SUCLA2: variants seen among roughly 807,000 people sequenced by gnomAD.
The protein encoded by SUCLA2 is succinate-CoA ligase ADP-forming subunit beta.
A neutral mutation model predicts 54.8 loss-of-function variants in SUCLA2; 30 were observed. That is an observed-to-expected ratio of 0.55 (90% CI 0.41 to 0.74). The LOEUF is 0.74. Ranked by LOEUF, SUCLA2 falls within the 30% of genes least tolerant of loss-of-function variation. The pLI, the probability that SUCLA2 is intolerant of heterozygous loss-of-function variation, is 0.00. For synonymous variants in SUCLA2, 172 were observed against 188.9 expected (o/e 0.91, Z 0.74); for missense variants, 476 against 562.9 (o/e 0.85, Z 1.56).
chr13:47,979,508 A>C (rs981679335), intron 4 of SUCLA2, among the ~76,000 whole-genome samples: 1 of 152,144 alleles, frequency 6.6e-6, no homozygotes, highest in East Asian at 1.9e-4. Context: ...GCTAGGGCAG[A>C]GATAGCATCA....
At chr13:47,960,430 A>T (rs1949860754) in intron 6 of SUCLA2, among the ~76,000 whole-genome samples, 1 of 152,196 alleles carries the variant, frequency 6.6e-6, no homozygotes, top group African/African-American at 2.4e-5. Context: ...CACAAAAATA[A>T]TAATAAAAGA....
At chr13:47,949,657 T>TC in intron 8 of SUCLA2, 54 bp from the exon 9 acceptor site, 1 of 1,587,136 alleles carries the variant, frequency 6.3e-7, no homozygotes, top group Non-Finnish European at 8.6e-7. Context: ...TAAGTTCTTT[T>TC]CCCCAAAAAA....
chr13:47,945,140 T>C (rs1424167069), intron 10 of SUCLA2, among the ~76,000 whole-genome samples: 1 of 150,540 alleles, frequency 6.6e-6, no homozygotes, highest in Non-Finnish European at 1.5e-5. Flanking sequence ...TCCCAGCTGC[T>C]TGGGAGGCTG....
At position 47,964,975 on chromosome 13, in the gene SUCLA2, C is replaced by T. The variant is rs28623665; in HGVS notation, c.802+3620G>A. ...AATTATAATTTTATTTATAATTTTTCATTTATTTAAAAAAAAAAAAAAAAG... is the reference window on the plus strand; with the variant it reads ...AATTATAATTTTATTTATAATTTTTTATTTATTTAAAAAAAAAAAAAAAAG... On this transcript the variant is annotated intron_variant, in intron 6 of 10. Coordinates refer to ENST00000646932, the MANE Select transcript of SUCLA2 (RefSeq NM_003850.3). 5.6e-3 allele frequency among the ~76,000 whole-genome samples: 484 copies of T among 87,150 alleles called. 5 individuals are homozygous for T. Among genetic ancestry groups the T allele is most frequent in the African/African-American group, 0.021 (461 of 21,444 alleles). The allele number at this position is 87,150 out of a possible 152,430, so 57.2% of individuals were successfully genotyped here.
intron 4 of SUCLA2, among the ~76,000 whole-genome samples, chr13:47,977,326 T>C (rs781590356): frequency 5.9e-5 from 9 of 152,140 alleles, no homozygotes; most frequent in Admixed American, 6.5e-5. Context: ...CGGGACCAAA[T>C]GGCTTCACTG....
intron 6 of SUCLA2, among the ~76,000 whole-genome samples, chr13:47,955,636 A>G (rs1949814649): frequency 6.6e-6 from 1 of 152,066 alleles, no homozygotes; most frequent in Non-Finnish European, 1.5e-5. Context: ...TGATCCATAA[A>G]GCCTAAAATA....
chr13:47,961,284 G>A (rs571668403), intron 6 of SUCLA2, among the ~76,000 whole-genome samples: 1 of 151,484 alleles, frequency 6.6e-6, no homozygotes, highest in Admixed American at 6.6e-5. Context: ...AAAATGGAGT[G>A]GGGGGGGCCA....
rs550220585 is a variant in SUCLA2 at position 47,987,631 on chromosome 13, A to G, written c.534+910T>C. 3 of 152,232 alleles carry G rather than the reference A, an allele frequency of 2.0e-5. No homozygotes were observed. In the East Asian group the frequency reaches 5.8e-4, roughly 29 times the overall value. The allele number at this position is 152,232 out of a possible 1,614,324, so 9.4% of individuals were successfully genotyped here. The stretch of plus-strand genomic sequence containing the variant: ...TTATAAAAATTAAAAGTTGCAAAAG[A>G]CATATCATTCAAACATTAATAGATT... On this transcript the variant is annotated intron_variant, in intron 4 of 10. Coordinates refer to ENST00000646932, the MANE Select transcript of SUCLA2 (RefSeq NM_003850.3).
At position 47,958,711 on chromosome 13, in the gene SUCLA2, G is replaced by A. The variant is rs1949841747; in HGVS notation, c.803-4154C>T. 3.9e-5 allele frequency among the ~76,000 whole-genome samples: 6 copies of A among 152,002 alleles called. No homozygotes were observed. In the South Asian group the frequency reaches 1.2e-3, roughly 32 times the overall value. ...TTTTGAAAAGAGTAATTAAGTTATT[G>A]GTTTAATGAAAATAGTTATTGGTGA... On this transcript the variant is annotated intron_variant, in intron 6 of 10. Coordinates refer to ENST00000646932, the MANE Select transcript of SUCLA2 (RefSeq NM_003850.3).
At chr13:47,966,483 C>T (rs188982434) in intron 6 of SUCLA2, among the ~76,000 whole-genome samples, 2 of 143,316 alleles carry the variant, frequency 1.4e-5, no homozygotes, top group Non-Finnish European at 3.0e-5. Context: ...TAGATAATTA[C>T]ATTTAAGTTA....
chr13:47,990,921 A>T (rs1950144913), intron 2 of SUCLA2, among the ~76,000 whole-genome samples: 1 of 152,240 alleles, frequency 6.6e-6, no homozygotes, highest in Admixed American at 6.5e-5. Flanking sequence ...AATACATGCT[A>T]TTTAAACCAG....
intron 5 of SUCLA2, 34 bp from the exon 6 acceptor site, chr13:47,968,767 T>C (rs914954285): frequency 6.2e-7 from 1 of 1,607,576 alleles, no homozygotes. Flanking sequence ...TATAGGTAGT[T>C]TGCATATGTC....
At chr13:47,954,968 C>A (rs1949808048) in intron 6 of SUCLA2, among the ~76,000 whole-genome samples, 1 of 152,072 alleles carries the variant, frequency 6.6e-6, no homozygotes, top group African/African-American at 2.4e-5. Context: ...CTCCCCCCAC[C>A]CCTTACCTTT....
intron 8 of SUCLA2, among the ~76,000 whole-genome samples, chr13:47,953,281 A>G (rs957451984): frequency 2.6e-5 from 4 of 152,168 alleles, no homozygotes; most frequent in Non-Finnish European, 5.9e-5. Flanking sequence ...CTAGAATTCT[A>G]ATTCTAGTTG....
intron 6 of SUCLA2, among the ~76,000 whole-genome samples, chr13:47,961,573 G>A (rs1424872000): frequency 6.6e-6 from 1 of 151,984 alleles, no homozygotes. Context: ...GATATATCAG[G>A]CTTATTAGGC....
intron 4 of SUCLA2, chr13:47,987,862 T>C (rs939481063): frequency 3.9e-5 from 6 of 152,070 alleles, no homozygotes; most frequent in African/African-American, 1.4e-4. Context: ...CAGATTCAGC[T>C]TGTAAAACCT....
chr13:47,969,673 T>C (rs1208443883), intron 5 of SUCLA2, among the ~76,000 whole-genome samples: 1 of 152,224 alleles, frequency 6.6e-6, no homozygotes, highest in Non-Finnish European at 1.5e-5. Flanking sequence ...AGAGAATTCT[T>C]TCCTCTTTTT....
At chr13:47,955,340 T>C (rs796277422) in intron 6 of SUCLA2, among the ~76,000 whole-genome samples, 4 of 152,284 alleles carry the variant, frequency 2.6e-5, no homozygotes, top group African/African-American at 9.6e-5. Flanking sequence ...TAGCTGGGAA[T>C]ACAGGCATGC....
chr13:47,970,552 C>T (rs745675390), intron 5 of SUCLA2, among the ~76,000 whole-genome samples: 1 of 152,152 alleles, frequency 6.6e-6, no homozygotes, highest in Non-Finnish European at 1.5e-5. Context: ...CTCCTTAAAA[C>T]TTTGTGCCGG....
Sources: allele counts gnomAD v4.1 joint callset (sites outside exome capture counted in the v4.1 genomes callset), GRCh38; gene constraint gnomAD v4.1.1; transcripts MANE v1.5; gene names NCBI Gene and HGNC (gene_info 2026-07-23, HGNC 2026-07-21).